The following ADRA1B variants were observed in gnomAD, a reference collection of about 807,000 sequenced individuals.
ADRA1B encodes alpha-1B adrenergic receptor.
A neutral mutation model predicts 17.9 loss-of-function variants in ADRA1B; 17 were observed. That is an observed-to-expected ratio of 0.95 (90% CI 0.65 to 1.42). The LOEUF (loss-of-function observed/expected upper bound fraction) is 1.42. Among genes scored for constraint, ADRA1B ranks in the 40% most tolerant of loss-of-function variants. ADRA1B has a pLI of 0.00. For missense variants in ADRA1B, 681 were observed against 722.1 expected (o/e 0.94, Z 0.65); for synonymous variants, 366 against 327.6 (o/e 1.12, Z -1.27).
intron 1 of ADRA1B, among the ~76,000 whole-genome samples, chr5:159,918,545 G>A (rs566978524): frequency 1.8e-4 from 28 of 152,224 alleles, no homozygotes; most frequent in Non-Finnish European, 3.5e-4. Flanking sequence ...ACCCAAAAAT[G>A]TTTCTAACTC....
At chr5:159,981,678 A>G in the ADRA1B span, among the ~76,000 whole-genome samples, 1 of 152,084 alleles carries the variant, frequency 6.6e-6, no homozygotes, top group Non-Finnish European at 1.5e-5. Flanking sequence ...TCTATTTTTT[A>G]GTAGAGATGG....
chr5:159,974,498 T>C (rs1435415961), downstream of ADRA1B, among the ~76,000 whole-genome samples: 2 of 151,956 alleles, frequency 1.3e-5, no homozygotes, highest in Non-Finnish European at 2.9e-5. Flanking sequence ...TAGCTGGGTG[T>C]GATGGTGGGC....
intron 1 of ADRA1B, chr5:159,947,814 A>C: frequency 1.0e-6 from 1 of 985,428 alleles, no homozygotes; most frequent in Non-Finnish European, 1.2e-6. Context: ...CGGGAGCTAC[A>C]TTGCATCACC....
rs552311584 is a variant in ADRA1B, at chr5:159,950,044, T to C, written c.950-21835T>C. 5.9e-5 allele frequency among the ~76,000 whole-genome samples: 9 copies of C among 152,340 alleles called. No homozygotes were observed. The South Asian group carries it at 1.2e-3, about 21-fold the overall frequency. On this transcript the variant is annotated intron_variant, in intron 1 of 1. Coordinates refer to ENST00000306675, the MANE Select transcript of ADRA1B (RefSeq NM_000679.4). Reference sequence around the variant, plus strand: ...TGTCCATCTGCTCTGAATGCTGTTGTGCCAGGCAGATCTTTCTGTGAGCCC... The same window carrying C: ...TGTCCATCTGCTCTGAATGCTGTTGCGCCAGGCAGATCTTTCTGTGAGCCC...
At chr5:159,884,677 C>G (rs778936338) in intron 1 of ADRA1B, among the ~76,000 whole-genome samples, 6 of 152,212 alleles carry the variant, frequency 3.9e-5, no homozygotes, top group Non-Finnish European at 8.8e-5. Context: ...TTTCACCAAT[C>G]TATCCACACT....
intron 1 of ADRA1B, 133 bp from the exon 2 acceptor site, chr5:159,971,746 C>A (rs1388681169): frequency 1.7e-5 from 16 of 953,244 alleles, no homozygotes; most frequent in Non-Finnish European, 2.1e-5. Flanking sequence ...GGCAGAGGAA[C>A]CGGCTCGGGG....
At chr5:159,979,459 T>A in the ADRA1B span, among the ~76,000 whole-genome samples, 2 of 152,138 alleles carry the variant, frequency 1.3e-5, no homozygotes, top group African/African-American at 4.8e-5. Context: ...TAGATGGAAG[T>A]TATTAAGCAC....
At chr5:159,893,709 G>A (rs983691147) in intron 1 of ADRA1B, among the ~76,000 whole-genome samples, 13 of 152,196 alleles carry the variant, frequency 8.5e-5, no homozygotes, top group African/African-American at 3.1e-4. Context: ...CAGAGAACTG[G>A]GTGCTGTCTG....
intron 1 of ADRA1B, among the ~76,000 whole-genome samples, chr5:159,880,427 G>A (rs1753850880): frequency 6.6e-6 from 1 of 152,184 alleles, no homozygotes; most frequent in African/African-American, 2.4e-5. Flanking sequence ...CAGGCCTATA[G>A]AAGTTAAATA....
At chr5:159,947,053 A>G (rs977333079) in intron 1 of ADRA1B, among the ~76,000 whole-genome samples, 3 of 152,118 alleles carry the variant, frequency 2.0e-5, no homozygotes, top group African/African-American at 7.2e-5. Flanking sequence ...TAAGAGAACC[A>G]TAGTTAGCTG....
intron 1 of ADRA1B, among the ~76,000 whole-genome samples, chr5:159,889,155 G>A (rs1262650742): frequency 6.6e-6 from 1 of 152,140 alleles, no homozygotes; most frequent in African/African-American, 2.4e-5. Flanking sequence ...CCTACCAAGG[G>A]AGCCTGGGGT....
chr5:159,918,823 C>T (rs1432982631), intron 1 of ADRA1B, among the ~76,000 whole-genome samples: 2 of 152,200 alleles, frequency 1.3e-5, no homozygotes, highest in Non-Finnish European at 2.9e-5. Context: ...ATCCCTTGTC[C>T]TTCCTCTGAG....
At chr5:159,974,653 C>T (rs1339661620), downstream of ADRA1B, among the ~76,000 whole-genome samples, 1 of 148,248 alleles carries the variant, frequency 6.7e-6, no homozygotes, top group Non-Finnish European at 1.5e-5. Flanking sequence ...AAAAAAAAAT[C>T]CTAGGAAGCC....
upstream of ADRA1B, among the ~76,000 whole-genome samples, chr5:159,912,535 G>A (rs540092969): frequency 6.6e-6 from 1 of 152,200 alleles, no homozygotes; most frequent in South Asian, 2.1e-4. Flanking sequence ...TAAGGAGCCT[G>A]GTCACATTCT....
rs3862070 is a variant in ADRA1B at position 159,969,934 on chromosome 5, T to A, written c.950-1945T>A. 2.4e-3 allele frequency among the ~76,000 whole-genome samples: 363 copies of A among 150,580 alleles called. 1 individual carries two copies. The highest frequency in any genetic ancestry group is 0.01 in the Middle Eastern group (3 of 294). ...ACAGAGTATTATTAATTGCATTTTTTTAAAAAAAAAACACATTTTTATTCA... is the reference window on the plus strand; with the variant it reads ...ACAGAGTATTATTAATTGCATTTTTATAAAAAAAAAACACATTTTTATTCA... On this transcript the variant is annotated intron_variant, in intron 1 of 1. Transcript: ENST00000306675.
At chr5:159,882,041 C>T (rs991964878) in intron 1 of ADRA1B, among the ~76,000 whole-genome samples, 1 of 152,212 alleles carries the variant, frequency 6.6e-6, no homozygotes, top group Admixed American at 6.5e-5. Context: ...AAGGTCCCAT[C>T]TGCAAGCGCT....
chr5:159,960,168 T>G (rs17057313), intron 1 of ADRA1B, among the ~76,000 whole-genome samples: 3,044 of 152,228 alleles, frequency 0.02, 97 homozygotes, highest in African/African-American at 0.069. Context: ...GCTTTCACAC[T>G]TCAGAGGAAA....
intron 1 of ADRA1B, among the ~76,000 whole-genome samples, chr5:159,969,550 C>T (rs955062787): frequency 2.0e-5 from 3 of 152,328 alleles, no homozygotes; most frequent in East Asian, 3.9e-4. Flanking sequence ...CACCTGCAAA[C>T]TAGTTGGACT....
intron 1 of ADRA1B, among the ~76,000 whole-genome samples, chr5:159,960,921 G>A (rs146315723): frequency 6.6e-4 from 101 of 152,290 alleles, no homozygotes; most frequent in African/African-American, 2.3e-3. Flanking sequence ...TAGGCCTTGG[G>A]CACAGAGAGA....
Sources: gnomAD v4.1 joint callset for allele counts (sites outside exome capture counted in the v4.1 genomes callset) on GRCh38, gnomAD v4.1.1 for gene constraint, MANE v1.5 for transcripts, NCBI Gene and HGNC (gene_info 2026-07-23, HGNC 2026-07-21) for gene names.